DYNC2I1: variants seen among roughly 807,000 people sequenced by gnomAD.
DYNC2I1 encodes the protein cytoplasmic dynein 2 intermediate chain 1.
In DYNC2I1, 89 loss-of-function variants were observed where a neutral mutation model predicts 133.4. The observed-to-expected ratio is 0.67, with a 90% confidence interval of 0.56 to 0.80. The LOEUF (loss-of-function observed/expected upper bound fraction) is 0.80, where lower values mean the gene tolerates loss of function less well. Ranked by LOEUF, DYNC2I1 falls within the 30% of genes least tolerant of loss-of-function variation. The probability of loss-of-function intolerance (pLI) is 0.00; values close to 1 mark genes in which losing one functional copy is unlikely to be tolerated. For synonymous variants in DYNC2I1, 504 were observed against 484.3 expected, an observed-to-expected ratio of 1.04 and a Z score of -0.54; for missense variants, 1,291 against 1,314.5, an observed-to-expected ratio of 0.98 and a Z score of 0.28.
the DYNC2I1 span, among the ~76,000 whole-genome samples, chr7:158,847,493 C>T: frequency 1.3e-5 from 2 of 152,134 alleles, no homozygotes; most frequent in Non-Finnish European, 2.9e-5. Flanking sequence ...GCCATGTCGT[C>T]ACCCTTCTTA....
chr7:158,902,250 T>A, intron 9 of DYNC2I1, 126 bp from the exon 10 acceptor site: 1 of 762,636 alleles, frequency 1.3e-6, no homozygotes, highest in Non-Finnish European at 2.1e-6. Context: ...ACTATAAATA[T>A]CTTTCTTAGC....
chr7:158,867,280 A>G (rs564066758), intron 1 of DYNC2I1, among the ~76,000 whole-genome samples: 1 of 151,998 alleles, frequency 6.6e-6, no homozygotes, highest in Non-Finnish European at 1.5e-5. Flanking sequence ...TAGGTTAAGC[A>G]TGAAGCTCTG....
At chr7:158,947,720 C>T (rs1238058952), downstream of DYNC2I1, among the ~76,000 whole-genome samples, 2 of 152,204 alleles carry the variant, frequency 1.3e-5, no homozygotes, top group African/African-American at 4.8e-5. Context: ...GGGCTCACTC[C>T]CCCCTCTGAA....
intron 7 of DYNC2I1, among the ~76,000 whole-genome samples, chr7:158,890,812 G>A (rs1043203831): frequency 7.2e-5 from 11 of 152,116 alleles, no homozygotes; most frequent in African/African-American, 2.4e-4. Context: ...GACCTCAGGT[G>A]ATCCGCCCGC....
downstream of DYNC2I1, among the ~76,000 whole-genome samples, chr7:158,958,177 G>T (rs772781321): frequency 7.9e-5 from 12 of 152,340 alleles, no homozygotes; most frequent in Non-Finnish European, 1.5e-4. Flanking sequence ...GCACCTGCCC[G>T]TCAGCCACAG....
rs1435119575 is a variant in DYNC2I1, at chr7:158,885,539, AC to A, written c.935+922del. On this transcript the variant is annotated intron_variant, in intron 6 of 24. Coordinates refer to ENST00000407559, the MANE Select transcript of DYNC2I1 (RefSeq NM_018051.5). ...GTATTTTTGGTAGAGATGGAGTTTCACCATGTTGGCCAGGCTGGTCTTGAAC... is the reference window on the plus strand; with the variant it reads ...GTATTTTTGGTAGAGATGGAGTTTCACATGTTGGCCAGGCTGGTCTTGAAC... Among the ~76,000 whole-genome samples, 11 of 151,978 alleles carry A rather than the reference AC, an allele frequency of 7.2e-5. 1 individual carries two copies. The highest frequency in any genetic ancestry group is 5.9e-4 in the Admixed American group (9 of 15,258).
At chr7:158,899,133 C>T (rs1445043852) in intron 8 of DYNC2I1, among the ~76,000 whole-genome samples, 1 of 152,104 alleles carries the variant, frequency 6.6e-6, no homozygotes, top group Non-Finnish European at 1.5e-5. Flanking sequence ...GCATGTTCTC[C>T]CATGTATTTT....
rs768023664 is a variant in DYNC2I1 at position 158,926,975 on chromosome 7, C to G, written c.2434-17C>G. The stretch of plus-strand genomic sequence containing the variant: ...TATAAAATGTATCAATATTCATTTT[C>G]AATATTCTGTTTTTAGGTGGTTGTT... On this transcript the variant is annotated splice_polypyrimidine_tract_variant and intron_variant, in intron 19 of 24. Coordinates refer to ENST00000407559, the MANE Select transcript of DYNC2I1 (RefSeq NM_018051.5). 6.4e-7 allele frequency: 1 copy of G among 1,574,118 alleles called. No individual in the cohort carries two copies. The highest frequency in any genetic ancestry group is 1.2e-5 in the South Asian group (1 of 86,714).
At chr7:158,956,827 C>T (rs1852210415), downstream of DYNC2I1, 1 of 152,314 alleles carries the variant, frequency 6.6e-6, no homozygotes, top group Admixed American at 6.5e-5. Flanking sequence ...TAGGCCTGAT[C>T]CCTGGGGCTG....
downstream of DYNC2I1, among the ~76,000 whole-genome samples, chr7:158,948,949 C>G (rs1293747130): frequency 6.6e-6 from 1 of 152,216 alleles, no homozygotes; most frequent in Admixed American, 6.5e-5. Context: ...GGAGACACGG[C>G]CCTCCTACTA....
chr7:158,894,112 T>TGCATATCATACC (rs1554455751), intron 8 of DYNC2I1, among the ~76,000 whole-genome samples: 14 of 48,632 alleles, frequency 2.9e-4, no homozygotes, highest in African/African-American at 4.5e-4. Context: ...CATATCCTAC[T>TGCATATCATACC]GCATATCCTA....
chr7:158,874,865 C>T (rs143878540), intron 3 of DYNC2I1, among the ~76,000 whole-genome samples: 14 of 152,264 alleles, frequency 9.2e-5, no homozygotes, highest in South Asian at 4.1e-4. Context: ...ATGAAGCTTC[C>T]GGTAGCCCCT....
At chr7:158,902,854 A>G in intron 10 of DYNC2I1, 1 of 440,768 alleles carries the variant, frequency 2.3e-6, no homozygotes, top group Admixed American at 4.0e-5. Context: ...AGGTTAGCTG[A>G]GGGTGCCGTG....
At chr7:158,942,294 TA>T in intron 24 of DYNC2I1, 146 bp downstream of exon 24, 1 of 658,308 alleles carries the variant, frequency 1.5e-6, no homozygotes, top group Non-Finnish European at 2.4e-6. Context: ...TATGTTCAGT[TA>T]AAAATTAAAA....
At chr7:158,839,548 G>A in the DYNC2I1 span, among the ~76,000 whole-genome samples, 3 of 152,186 alleles carry the variant, frequency 2.0e-5, no homozygotes, top group Non-Finnish European at 2.9e-5. Context: ...GGCTGGGCAC[G>A]GTGGTTCACG....
At position 158,918,673 on chromosome 7, in the gene DYNC2I1, AT is replaced by A. The variant is rs3214230; in HGVS notation, c.1792-58del. 303 of 1,549,226 alleles carry A rather than the reference AT, an allele frequency of 2.0e-4. 2 individuals are homozygous for A. Among genetic ancestry groups the A allele is most frequent in the South Asian group, 4.1e-4 (36 of 87,302 alleles). The stretch of plus-strand genomic sequence containing the variant: ...CAGATATGGATAAGATGAAAAGGTA[AT>A]TTTTTTTTGGAAAAGATAATCCATT... On this transcript the variant is annotated intron_variant, in intron 14 of 24. Coordinates refer to ENST00000407559, the MANE Select transcript of DYNC2I1 (RefSeq NM_018051.5).
the DYNC2I1 span, among the ~76,000 whole-genome samples, chr7:158,844,141 G>A: frequency 6.6e-6 from 1 of 152,130 alleles, no homozygotes; most frequent in Non-Finnish European, 1.5e-5. Flanking sequence ...TCTCTCTCTC[G>A]TTTTTCTTTC....
At chr7:158,852,074 C>G (rs963145361), upstream of DYNC2I1, among the ~76,000 whole-genome samples, 4 of 152,100 alleles carry the variant, frequency 2.6e-5, no homozygotes, top group Non-Finnish European at 5.9e-5. Flanking sequence ...CAGGCACCCT[C>G]CCTCTAGGGC....
intron 20 of DYNC2I1, among the ~76,000 whole-genome samples, chr7:158,927,788 G>C (rs911923441): frequency 2.0e-5 from 3 of 152,150 alleles, no homozygotes; most frequent in African/African-American, 7.2e-5. Context: ...CTGACTTGAG[G>C]TCATCCACCC....
Sources: allele counts gnomAD v4.1 joint callset (sites outside exome capture counted in the v4.1 genomes callset), GRCh38; gene constraint gnomAD v4.1.1; transcripts MANE v1.5; gene names NCBI Gene and HGNC (gene_info 2026-07-23, HGNC 2026-07-21).